Variants in ST6GALNAC3 observed in about 807,000 individuals in gnomAD.
The protein encoded by ST6GALNAC3 is ST6 N-acetylgalactosaminide alpha-2,6-sialyltransferase 3.
Under a neutral mutation model 32.7 loss-of-function variants are expected in ST6GALNAC3, and 25 were observed. That is an observed-to-expected ratio of 0.76 (90% CI 0.56 to 1.07). ST6GALNAC3 has a LOEUF of 1.07. Among genes scored for constraint, ST6GALNAC3 ranks in the 50% least tolerant of loss-of-function variants. The pLI is 0.00. For missense variants in ST6GALNAC3, 355 were observed against 382.4 expected (o/e 0.93, Z 0.60); for synonymous variants, 129 against 133.1 (o/e 0.97, Z 0.21).
intron 3 of ST6GALNAC3, among the ~76,000 whole-genome samples, chr1:76,501,881 A>G (rs1228928543): frequency 6.6e-6 from 1 of 152,210 alleles, no homozygotes; most frequent in East Asian, 1.9e-4. Context: ...ACTGGAATTG[A>G]TTCAACAAAT....
At chr1:76,545,718 G>A (rs913119178) in intron 3 of ST6GALNAC3, among the ~76,000 whole-genome samples, 3 of 150,502 alleles carry the variant, frequency 2.0e-5, no homozygotes, top group African/African-American at 2.4e-5. Flanking sequence ...GTGCAATGGC[G>A]CACTCTCAGC....
At chr1:76,169,333 G>T (rs1652326067) in intron 1 of ST6GALNAC3, among the ~76,000 whole-genome samples, 1 of 152,154 alleles carries the variant, frequency 6.6e-6, no homozygotes, top group Admixed American at 6.5e-5. Flanking sequence ...AGTCTGATGG[G>T]CTTCCCTTTG....
chr1:76,131,632 G>A (rs1226237030), intron 1 of ST6GALNAC3, among the ~76,000 whole-genome samples: 1 of 152,240 alleles, frequency 6.6e-6, no homozygotes, highest in Admixed American at 6.5e-5. Context: ...GGAGGCTGAT[G>A]TAGTCTCTCA....
chr1:76,456,070 G>A (rs1297896364), intron 3 of ST6GALNAC3, among the ~76,000 whole-genome samples: 1 of 152,142 alleles, frequency 6.6e-6, no homozygotes, highest in Non-Finnish European at 1.5e-5. Context: ...TACTCCAGAG[G>A]CTGAGGCAGG....
intron 3 of ST6GALNAC3, among the ~76,000 whole-genome samples, chr1:76,557,417 C>T (rs555020896): frequency 4.6e-5 from 7 of 152,062 alleles, no homozygotes; most frequent in Non-Finnish European, 8.8e-5. Flanking sequence ...AATTGGGATG[C>T]GGGCTTCTCC....
intron 3 of ST6GALNAC3, among the ~76,000 whole-genome samples, chr1:76,506,890 G>A (rs570686030): frequency 4.8e-4 from 73 of 152,326 alleles, no homozygotes; most frequent in African/African-American, 1.7e-3. Context: ...ACATAGTGGA[G>A]TGGAGCCTTG....
intron 1 of ST6GALNAC3, among the ~76,000 whole-genome samples, chr1:76,103,396 G>A (rs766984563): frequency 6.6e-6 from 1 of 151,750 alleles, no homozygotes; most frequent in Non-Finnish European, 1.5e-5. Context: ...CCATCCTTTT[G>A]TCTTTCTATA....
intron 3 of ST6GALNAC3, among the ~76,000 whole-genome samples, chr1:76,612,444 T>TA (rs1430522395): frequency 6.6e-6 from 1 of 152,176 alleles, no homozygotes; most frequent in Non-Finnish European, 1.5e-5. Flanking sequence ...CAGGAAGAGC[T>TA]AAAAGTCAAA....
At chr1:76,379,147 C>T (rs1651503010) in intron 2 of ST6GALNAC3, among the ~76,000 whole-genome samples, 4 of 152,186 alleles carry the variant, frequency 2.6e-5, no homozygotes, top group South Asian at 4.1e-4. Flanking sequence ...CCACCTGCCT[C>T]GGCCTCCCAA....
chr1:76,525,556 A>G (rs957556988), intron 3 of ST6GALNAC3, among the ~76,000 whole-genome samples: 2 of 151,672 alleles, frequency 1.3e-5, no homozygotes, highest in Admixed American at 6.6e-5. Flanking sequence ...GTTTTGGCAG[A>G]ATTTCAACCC....
chr1:76,379,789 G>A (rs769526291), intron 2 of ST6GALNAC3, among the ~76,000 whole-genome samples: 15 of 152,142 alleles, frequency 9.9e-5, no homozygotes, highest in Non-Finnish European at 2.2e-4. Context: ...ACATGGCAGA[G>A]GGGAGTGGTG....
intron 3 of ST6GALNAC3, among the ~76,000 whole-genome samples, chr1:76,421,891 G>A (rs1367195398): frequency 6.6e-6 from 1 of 151,844 alleles, no homozygotes; most frequent in Non-Finnish European, 1.5e-5. Context: ...ATAAAAACAC[G>A]TGTTTACAGT....
At chr1:76,299,681 CTG>C (rs1296066985) in intron 1 of ST6GALNAC3, among the ~76,000 whole-genome samples, 3 of 152,024 alleles carry the variant, frequency 2.0e-5, no homozygotes, top group Non-Finnish European at 4.4e-5. Context: ...AAAATGGCCT[CTG>C]TTTCTCCACA....
intron 2 of ST6GALNAC3, among the ~76,000 whole-genome samples, chr1:76,374,334 G>A (rs1557833367): frequency 6.6e-6 from 1 of 152,150 alleles, no homozygotes; most frequent in Non-Finnish European, 1.5e-5. Context: ...TTCACCTGGT[G>A]GAATACATCA....
intron 1 of ST6GALNAC3, among the ~76,000 whole-genome samples, chr1:76,229,157 A>G (rs1390036613): frequency 1.3e-5 from 2 of 152,188 alleles, no homozygotes; most frequent in Non-Finnish European, 2.9e-5. Context: ...TTCTCAATAA[A>G]GAACCCAGAA....
chr1:76,212,802 A>G (rs780409968), intron 1 of ST6GALNAC3, among the ~76,000 whole-genome samples: 8 of 152,162 alleles, frequency 5.3e-5, no homozygotes, highest in Non-Finnish European at 1.2e-4. Flanking sequence ...TCAGTGAAAT[A>G]AGGGATGCTT....
intron 3 of ST6GALNAC3, among the ~76,000 whole-genome samples, chr1:76,600,112 G>A (rs558155173): frequency 6.6e-6 from 1 of 152,146 alleles, no homozygotes; most frequent in African/African-American, 2.4e-5. Flanking sequence ...GAGTTCATGA[G>A]CGTGGGGTCC....
intron 3 of ST6GALNAC3, among the ~76,000 whole-genome samples, chr1:76,606,647 A>G (rs1232622595): frequency 6.6e-6 from 1 of 151,922 alleles, no homozygotes; most frequent in Non-Finnish European, 1.5e-5. Flanking sequence ...GTTAGTAGGT[A>G]TAGTAAACCC....
chr1:76,326,324 A>AG (rs1647068717), intron 2 of ST6GALNAC3, among the ~76,000 whole-genome samples: 2 of 152,150 alleles, frequency 1.3e-5, no homozygotes, highest in African/African-American at 4.8e-5. Flanking sequence ...CCCAAAATGA[A>AG]GGGGGGAGTA....
Sources: gnomAD v4.1 joint callset for allele counts (sites outside exome capture counted in the v4.1 genomes callset) on GRCh38, gnomAD v4.1.1 for gene constraint, MANE v1.5 for transcripts, NCBI Gene and HGNC (gene_info 2026-07-23, HGNC 2026-07-21) for gene names.